SIM1: variants seen among roughly 807,000 people sequenced by gnomAD.
SIM1 encodes the protein single-minded homolog 1.
Under a neutral mutation model 78.2 loss-of-function variants are expected in SIM1, and 18 were observed. The ratio of observed to expected loss-of-function variants is 0.23; its 90% CI spans 0.16 to 0.34. The LOEUF (loss-of-function observed/expected upper bound fraction) is 0.34, where lower values mean the gene tolerates loss of function less well. Among genes scored for constraint, SIM1 ranks in the 10% least tolerant of loss-of-function variants. The probability of loss-of-function intolerance (pLI) is 1.00; values close to 1 mark genes in which losing one functional copy is unlikely to be tolerated. For synonymous variants in SIM1, 417 were observed against 385.2 expected (o/e 1.08, Z -0.97); for missense variants, 939 against 975.1 (o/e 0.96, Z 0.49).
chr6:100,421,782 G>A (rs543825918), intron 9 of SIM1, among the ~76,000 whole-genome samples: 48 of 152,148 alleles, frequency 3.2e-4, no homozygotes, highest in African/African-American at 2.7e-4. Context: ...AGACAGCAGC[G>A]AGTCTCATCG....
At position 100,390,145 on chromosome 6, in the gene SIM1, G is replaced by A. The variant is rs1770599786; in HGVS notation, c.*216C>T. 1 of 560,054 alleles carries A rather than the reference G, an allele frequency of 1.8e-6. No individual in the cohort carries two copies. Among genetic ancestry groups the A allele is most frequent in the Admixed American group, 3.4e-5 (1 of 29,096 alleles). 34.7% of individuals were successfully genotyped at this position (560,054 alleles called of 1,614,324 possible). Reference sequence around the variant, plus strand: ...CTATTCTGGTTCCCATATAATTAGAGGGGAAATTTGTGTATTCAATTTAGC... The same window carrying A: ...CTATTCTGGTTCCCATATAATTAGAAGGGAAATTTGTGTATTCAATTTAGC... On this transcript the variant is annotated 3_prime_UTR_variant, in exon 12 of 12. Transcript: ENST00000369208.
rs760885224 is a variant in SIM1, at chr6:100,393,568, G to A, written c.1489C>T (p.Pro497Ser). The A allele has an allele frequency of 2.5e-6, 4 of 1,612,950 alleles. No homozygotes were observed. The highest frequency in any genetic ancestry group is 1.1e-5 in the South Asian group (1 of 91,032). The change falls in exon 11 of 12, where the codon CCC (proline) becomes TCC (serine). Residue 497 changes from proline to serine, a missense_variant. Transcript: ENST00000369208. ...CTTTCTGGGGAGGCCTTTGTCAGGG[G>A]CAAGGCTGCGCGAGAGCCCCACCAG... is the stretch of plus-strand genomic sequence containing the variant. ...EPWWGSRAAL[P>S]LTKASPESRE...
chr6:100,423,425 A>G (rs578214987), intron 9 of SIM1, among the ~76,000 whole-genome samples: 1 of 152,300 alleles, frequency 6.6e-6, no homozygotes, highest in African/African-American at 2.4e-5. Context: ...AATGAGCACA[A>G]GGACTAAGTT....
intron 2 of SIM1, among the ~76,000 whole-genome samples, chr6:100,455,472 C>T (rs1310846042): frequency 6.6e-6 from 1 of 152,228 alleles, no homozygotes; most frequent in Non-Finnish European, 1.5e-5. Flanking sequence ...CCCTTTCAGC[C>T]AACCTATTCT....
At chr6:100,441,518 T>C (rs1458772879) in intron 9 of SIM1, among the ~76,000 whole-genome samples, 1 of 152,248 alleles carries the variant, frequency 6.6e-6, no homozygotes, top group African/African-American at 2.4e-5. Flanking sequence ...GCAAATCTAC[T>C]GACATTTCGG....
intron 2 of SIM1, among the ~76,000 whole-genome samples, chr6:100,456,812 C>G (rs1428300710): frequency 3.3e-5 from 5 of 152,200 alleles, no homozygotes. Context: ...GCTTTACCCT[C>G]CGTGCTTAGT....
chr6:100,401,272 G>T (rs1770908111), intron 10 of SIM1, among the ~76,000 whole-genome samples: 1 of 152,156 alleles, frequency 6.6e-6, no homozygotes, highest in South Asian at 2.1e-4. Flanking sequence ...CCAGGCTAAA[G>T]AACTATTCAG....
chr6:100,398,343 T>C (rs1770818366), intron 10 of SIM1, among the ~76,000 whole-genome samples: 1 of 152,118 alleles, frequency 6.6e-6, no homozygotes. Flanking sequence ...AGTACATTCA[T>C]GGTGCCATGC....
chr6:100,457,669 G>A (rs951461077), intron 2 of SIM1, among the ~76,000 whole-genome samples: 1 of 152,222 alleles, frequency 6.6e-6, no homozygotes, highest in African/African-American at 2.4e-5. Context: ...CAACCAGCCC[G>A]AATCAAGCTC....
intron 10 of SIM1, among the ~76,000 whole-genome samples, chr6:100,402,052 T>C (rs1770927751): frequency 6.6e-6 from 1 of 152,194 alleles, no homozygotes; most frequent in East Asian, 1.9e-4. Context: ...AGGAACAGAC[T>C]ACCTTATAGG....
intron 11 of SIM1, among the ~76,000 whole-genome samples, chr6:100,392,035 G>A (rs3002435): frequency 1.3e-4 from 20 of 152,080 alleles, no homozygotes; most frequent in South Asian, 2.1e-4. Flanking sequence ...TTAGCTGGGC[G>A]TGGTGGCAGG....
intron 10 of SIM1, among the ~76,000 whole-genome samples, chr6:100,416,142 G>A (rs758908816): frequency 6.6e-5 from 10 of 152,138 alleles, no homozygotes; most frequent in Admixed American, 3.3e-4. Context: ...CTGTAAGACA[G>A]TGTGGCTCTG....
intron 10 of SIM1, among the ~76,000 whole-genome samples, chr6:100,412,690 A>AGAAAGAAG (rs1771262428): frequency 1.5e-5 from 1 of 68,602 alleles, no homozygotes; most frequent in Non-Finnish European, 2.9e-5. Context: ...AGAAAAAGAA[A>AGAAAGAAG]GAAAGAAAGA....
At chr6:100,406,222 G>C (rs1771047605) in intron 10 of SIM1, among the ~76,000 whole-genome samples, 1 of 152,134 alleles carries the variant, frequency 6.6e-6, no homozygotes, top group Non-Finnish European at 1.5e-5. Context: ...TCCATGATGG[G>C]CTTCAGGCAT....
chr6:100,447,922 G>C (rs2114539818), intron 8 of SIM1, among the ~76,000 whole-genome samples: 1 of 152,340 alleles, frequency 6.6e-6, no homozygotes, highest in South Asian at 2.1e-4. Context: ...GACGTATTTC[G>C]CCCAGAAATG....
chr6:100,433,265 T>C (rs1241293869), intron 9 of SIM1, among the ~76,000 whole-genome samples: 3 of 152,232 alleles, frequency 2.0e-5, no homozygotes, highest in African/African-American at 7.2e-5. Flanking sequence ...TGGCCCTGCC[T>C]ATTCTTCTAG....
At chr6:100,432,561 A>G (rs1379580468) in intron 9 of SIM1, among the ~76,000 whole-genome samples, 1 of 152,190 alleles carries the variant, frequency 6.6e-6, no homozygotes, top group African/African-American at 2.4e-5. Flanking sequence ...ACCTCACTGC[A>G]TATCTTCCAC....
At chr6:100,398,409 A>G (rs372494135) in intron 10 of SIM1, among the ~76,000 whole-genome samples, 4 of 152,098 alleles carry the variant, frequency 2.6e-5, no homozygotes, top group African/African-American at 9.7e-5. Context: ...TGAACTCTGT[A>G]CCCATTAAAC....
rs76697554 is a variant in SIM1 at position 100,416,992 on chromosome 6, C to A, written c.1167+3798G>T. ...TTTACTAGTTCTCAAAAAAAAAAAA[C>A]AAACTCTAAACTCTTTGGCCTAGCA... On this transcript the variant is annotated intron_variant, in intron 10 of 11. Transcript: ENST00000369208. 3.6e-3 allele frequency among the ~76,000 whole-genome samples: 517 copies of A among 145,202 alleles called. 8 individuals are homozygous for A. Among genetic ancestry groups the A allele is most frequent in the Admixed American group, 0.026 (382 of 14,460 alleles).
Sources: gnomAD v4.1 joint callset for allele counts (sites outside exome capture counted in the v4.1 genomes callset) on GRCh38, gnomAD v4.1.1 for gene constraint, MANE v1.5 for transcripts, NCBI Gene and HGNC (gene_info 2026-07-23, HGNC 2026-07-21) for gene names.